Variants in ADGRV1 observed in about 807,000 individuals in gnomAD.
ADGRV1 encodes G-protein coupled receptor 98.
ADGRV1 carries 359 observed loss-of-function variants against 596.2 expected under a neutral mutation model. The ratio of observed to expected loss-of-function variants is 0.60; its 90% CI spans 0.55 to 0.66. ADGRV1 has a LOEUF of 0.66. Among genes scored for constraint, ADGRV1 ranks in the 30% least tolerant of loss-of-function variants. The probability of loss-of-function intolerance (pLI) is 0.00; values close to 1 mark genes in which losing one functional copy is unlikely to be tolerated. For missense variants in ADGRV1, 7,274 were observed against 7,575.6 expected, an observed-to-expected ratio of 0.96 and a Z score of 1.48; for synonymous variants, 2,681 against 2,679.2, an observed-to-expected ratio of 1.00 and a Z score of -0.02.
rs139304124 is a variant in ADGRV1, at chr5:90,824,483, A to G, written c.16368+887A>G. 1.5e-3 allele frequency among the ~76,000 whole-genome samples: 231 copies of G among 152,350 alleles called. 11 individuals are homozygous for G. In the East Asian group the frequency reaches 0.04, roughly 26 times the overall value. ...ACCTTGGTGGTGGTAGTGCTGGAAA[A>G]TATATTTTCCTTAAAGCCTGGAATC... On this transcript the variant is annotated intron_variant, in intron 76 of 89. Coordinates refer to ENST00000405460, the MANE Select transcript of ADGRV1 (RefSeq NM_032119.4).
chr5:91,027,547 G>C (rs1265872935), intron 85 of ADGRV1, among the ~76,000 whole-genome samples: 2 of 152,188 alleles, frequency 1.3e-5, no homozygotes, highest in Non-Finnish European at 2.9e-5. Flanking sequence ...AAGGAGGGCA[G>C]TCACTGAGGA....
intron 4 of ADGRV1, among the ~76,000 whole-genome samples, chr5:90,619,891 G>C (rs954999831): frequency 5.9e-5 from 9 of 151,662 alleles, no homozygotes; most frequent in Admixed American, 3.9e-4. Flanking sequence ...TGAGAATGAT[G>C]GTTTCCAGCT....
intron 70 of ADGRV1, among the ~76,000 whole-genome samples, chr5:90,800,920 T>TC (rs1439035401): frequency 2.6e-5 from 4 of 151,790 alleles, no homozygotes; most frequent in Admixed American, 2.6e-4. Context: ...TTGGGGCCTG[T>TC]CGGGGTGGGC....
At position 90,627,650 on chromosome 5, in the gene ADGRV1, C is replaced by T. The variant is rs1257089748; in HGVS notation, c.1112C>T (p.Ala371Val). The T allele has an allele frequency of 6.2e-7, 1 of 1,613,738 alleles. No individual in the cohort carries two copies. Among genetic ancestry groups the T allele is most frequent in the Admixed American group, 1.7e-5 (1 of 60,018 alleles). ...CTAAAAGATACCTTACAGGGAGATG[C>T]TGTGCTAATAAGCCCTTCTGTTGTA... ...MLLKDTLQGD[A>V]VLISPSVVQV... is the part of the protein sequence containing the mutation. Residue 371 changes from alanine to valine, a missense_variant, in exon 7 of 90, where the codon GCT (alanine) becomes GTT (valine). By Grantham distance (64) the Ala-to-Val change is moderately conservative. Around this residue, in one of 5 missense-constraint regions of ADGRV1, gnomAD observed 1,715 missense variants for 1,708.8 expected, o/e 1.00. Coordinates refer to ENST00000405460, the MANE Select transcript of ADGRV1 (RefSeq NM_032119.4).
intron 83 of ADGRV1, among the ~76,000 whole-genome samples, chr5:90,875,216 A>G (rs1207727711): frequency 3.3e-5 from 5 of 152,212 alleles, no homozygotes; most frequent in Non-Finnish European, 7.3e-5. Context: ...TTAAAGAAGA[A>G]ATTATTCATA....
intron 83 of ADGRV1, among the ~76,000 whole-genome samples, chr5:90,953,577 CA>C (rs1181157349): frequency 1.4e-4 from 22 of 152,106 alleles, no homozygotes; most frequent in African/African-American, 5.1e-4. Context: ...CTGACCTACT[CA>C]GATAATGAAG....
rs372007534 is a variant in ADGRV1 at position 90,708,831 on chromosome 5, C to T, written c.8746C>T (p.Leu2916=). ...ITILEDDVPE[L]EEYFLVNLTY... Reference sequence around the variant, plus strand: ...ATTTTTTCAGGATGATGTACCAGAGCTAGAAGAATATTTCCTGGTGAATTT... The same window carrying T: ...ATTTTTTCAGGATGATGTACCAGAGTTAGAAGAATATTTCCTGGTGAATTT... The change falls in exon 39 of 90, where the codon CTA becomes TTA. Residue 2916 remains leucine, a synonymous_variant. Coordinates refer to ENST00000405460, the MANE Select transcript of ADGRV1 (RefSeq NM_032119.4). 7.5e-6 allele frequency: 12 copies of T among 1,608,966 alleles called. No homozygotes were observed. The highest frequency in any genetic ancestry group is 1.1e-5 in the South Asian group (1 of 90,620).
chr5:90,823,762 A>G (rs1328225239), intron 76 of ADGRV1, among the ~76,000 whole-genome samples, 166 bp downstream of exon 76: 6 of 152,222 alleles, frequency 3.9e-5, no homozygotes, highest in African/African-American at 7.2e-5. Context: ...CTTTAGACAG[A>G]CTTGATTACA....
In ADGRV1 at chr5:90,753,817, G is replaced by A. The variant is rs770758989; in HGVS notation, c.11365G>A (p.Ala3789Thr). The A allele has an allele frequency of 1.2e-6, 2 of 1,605,986 alleles. No homozygotes were observed. Among genetic ancestry groups the A allele is most frequent in the South Asian group, 1.1e-5 (1 of 90,146 alleles). ...TGCTGCGTCTGTCTTCATTAGAGTAGCAGAGCCTAAAGGTAAATATTGTTA... is the reference window on the plus strand; with the variant it reads ...TGCTGCGTCTGTCTTCATTAGAGTAACAGAGCCTAAAGGTAAATATTGTTA... ...WRAASVFIRVAEPKENTTTLQ... is the reference protein window; with the variant it reads ...WRAASVFIRVTEPKENTTTLQ... Residue 3789 changes from alanine to threonine, a missense_variant, in exon 54 of 90, where the codon GCA becomes ACA. Ala to Thr is a moderately conservative substitution (Grantham distance 58). Transcript: ENST00000405460.
chr5:90,963,394 AAAGTC>A (rs1367852088), intron 83 of ADGRV1, among the ~76,000 whole-genome samples: 1 of 152,146 alleles, frequency 6.6e-6, no homozygotes, highest in African/African-American at 2.4e-5. Flanking sequence ...ATTAGACAAA[AAAGTC>A]AAGGAAAATA....
chr5:90,953,283 G>A (rs1777201281), intron 83 of ADGRV1, among the ~76,000 whole-genome samples: 1 of 151,878 alleles, frequency 6.6e-6, no homozygotes, highest in Admixed American at 6.6e-5. Context: ...TATCACACAG[G>A]GACAATAACA....
In ADGRV1 at chr5:90,635,095, G is replaced by T. The variant is rs1158500637; in HGVS notation, c.1840-19G>T. On this transcript the variant is annotated intron_variant, in intron 9 of 89. Coordinates refer to ENST00000405460, the MANE Select transcript of ADGRV1 (RefSeq NM_032119.4). ...ATTCTATCAATTCTTACTACTTTTTGTGTATTTGTTTATTATAGTTGGAAA... is the reference window on the plus strand; with the variant it reads ...ATTCTATCAATTCTTACTACTTTTTTTGTATTTGTTTATTATAGTTGGAAA... 6.8e-7 allele frequency: 1 copy of T among 1,479,994 alleles called. No individual in the cohort carries two copies. Among genetic ancestry groups the T allele is most frequent in the Admixed American group, 1.8e-5 (1 of 55,356 alleles). 91.7% of individuals were successfully genotyped at this position (1,479,994 alleles called of 1,614,324 possible). A position where few individuals can be genotyped will look rare whatever the true frequency, so the allele number is the denominator to read the frequency against.
At chr5:91,107,051 A>G (rs1791940024) in intron 87 of ADGRV1, among the ~76,000 whole-genome samples, 1 of 152,170 alleles carries the variant, frequency 6.6e-6, no homozygotes, top group African/African-American at 2.4e-5. Flanking sequence ...GCAGAATTCC[A>G]TGGGGAGCTT....
Position 90,776,579 on chromosome 5 carries a change from A to G in ADGRV1, c.12527+3A>G, listed in dbSNP as rs1195064681. 2 of 1,613,246 alleles carry G rather than the reference A, an allele frequency of 1.2e-6. No individual in the cohort carries two copies. Among genetic ancestry groups the G allele is most frequent in the Admixed American group, 1.7e-5 (1 of 59,970 alleles). ...TATAATGGTACCGCTATTATCAGGT[A>G]AGGACTTCATGATTTTTCTTTGCCT... is the stretch of plus-strand genomic sequence containing the variant. On this transcript the variant is annotated splice_donor_region_variant and intron_variant, in intron 61 of 89. Coordinates refer to ENST00000405460, the MANE Select transcript of ADGRV1 (RefSeq NM_032119.4).
At chr5:90,632,683 T>C (rs943237073) in intron 9 of ADGRV1, among the ~76,000 whole-genome samples, 1 of 152,186 alleles carries the variant, frequency 6.6e-6, no homozygotes, top group Admixed American at 6.5e-5. Context: ...ACTTGAAAGC[T>C]AAGAAAAAAG....
intron 60 of ADGRV1, among the ~76,000 whole-genome samples, chr5:90,776,054 A>T (rs1254349353): frequency 6.6e-6 from 1 of 152,190 alleles, no homozygotes; most frequent in African/African-American, 2.4e-5. Flanking sequence ...TTAAAAATGA[A>T]AAAGTGCCCC....
At chr5:90,707,115 T>C (rs1284151067) in intron 38 of ADGRV1, among the ~76,000 whole-genome samples, 2 of 152,074 alleles carry the variant, frequency 1.3e-5, no homozygotes, top group African/African-American at 4.8e-5. Flanking sequence ...AAATTAGAGA[T>C]AGGGAGAAAC....
At chr5:90,797,901 C>A (rs1487436740) in intron 70 of ADGRV1, among the ~76,000 whole-genome samples, 2 of 152,086 alleles carry the variant, frequency 1.3e-5, no homozygotes. Flanking sequence ...ACACAATGTA[C>A]CAGAATCTCT....
intron 75 of ADGRV1, among the ~76,000 whole-genome samples, chr5:90,818,999 C>A (rs908585862): frequency 3.9e-5 from 6 of 152,122 alleles, no homozygotes; most frequent in South Asian, 2.1e-4. Context: ...GGTACCAGTT[C>A]CTCCTTGTAC....
Sources: gnomAD v4.1 joint callset for allele counts (sites outside exome capture counted in the v4.1 genomes callset) on GRCh38, gnomAD v4.1.1 for gene constraint, gnomAD v4.1.1 regional missense constraint, MANE v1.5 for transcripts, NCBI Gene and HGNC (gene_info 2026-07-23, HGNC 2026-07-21) for gene names.